AQR: variants seen among roughly 807,000 people sequenced by gnomAD.
The protein encoded by AQR is RNA helicase aquarius.
In AQR, 61 loss-of-function variants were observed where a neutral mutation model predicts 180.5. The ratio of observed to expected loss-of-function variants is 0.34; its 90% confidence interval spans 0.28 to 0.42. The LOEUF (loss-of-function observed/expected upper bound fraction) is 0.42. Ranked by LOEUF, AQR falls within the 10% of genes least tolerant of loss-of-function variation. AQR has a pLI of 1.00. For missense variants in AQR, 1,281 were observed against 1,798.3 expected, an observed-to-expected ratio of 0.71 and a Z score of 5.20; for synonymous variants, 551 against 588.8, an observed-to-expected ratio of 0.94 and a Z score of 0.93.
intron 11 of AQR, among the ~76,000 whole-genome samples, chr15:34,930,867 C>A (rs971414345): frequency 7.4e-6 from 1 of 135,926 alleles, no homozygotes; most frequent in Admixed American, 8.5e-5. Context: ...GACGGAGTCT[C>A]GCTCTGTCAC....
At position 34,914,272 on chromosome 15, in the gene AQR, G is replaced by C. The variant is rs145113236; in HGVS notation, c.1484+766C>G. ...AATTGTGAATGAAATAGTGAATAAA[G>C]AGCATTTGCCTCAAGTCAGCCATAT... On this transcript the variant is annotated intron_variant, in intron 16 of 34. Transcript: ENST00000156471. 2.2e-4 allele frequency among the ~76,000 whole-genome samples: 34 copies of C among 152,238 alleles called. 1 individual carries two copies. The East Asian group carries it at 6.6e-3, about 29-fold the overall frequency.
intron 22 of AQR, among the ~76,000 whole-genome samples, chr15:34,895,454 TTA>T (rs1256668592): frequency 6.6e-6 from 1 of 151,648 alleles, no homozygotes; most frequent in Non-Finnish European, 1.5e-5. Flanking sequence ...TATATGCTGT[TTA>T]TAAGAAACTC....
At chr15:34,946,856 C>A in intron 5 of AQR, among the ~76,000 whole-genome samples, 1 of 149,878 alleles carries the variant, frequency 6.7e-6, no homozygotes, top group Non-Finnish European at 1.5e-5. Flanking sequence ...GCCCCTCTGC[C>A]CAGCCAGCCG....
intron 23 of AQR, among the ~76,000 whole-genome samples, chr15:34,893,403 T>C (rs902307069): frequency 2.0e-5 from 3 of 152,084 alleles, no homozygotes; most frequent in Non-Finnish European, 4.4e-5. Flanking sequence ...AGCTAATGCA[T>C]TCCCAAATAA....
At position 34,884,714 on chromosome 15, in the gene AQR, C is replaced by T; in HGVS notation, c.2838G>A (p.Glu946=). ...CTTTATTTTTCACTTTGCTGATATA[C>T]TCTTCCCAGCGAGACATTACCTGTA... The part of the protein sequence containing the change: ...FLYQVMSRWE[E]YISKVKNKGS... The change falls in exon 26 of 35, where the codon GAG becomes GAA. Residue 946 remains glutamate (E), a synonymous_variant. Coordinates refer to ENST00000156471, the MANE Select transcript of AQR (RefSeq NM_014691.3). 1 of 1,602,340 alleles carries T rather than the reference C, an allele frequency of 6.2e-7. No homozygotes were observed. Among genetic ancestry groups the T allele is most frequent in the Non-Finnish European group, 8.5e-7 (1 of 1,176,700 alleles).
chr15:34,900,858 C>T lies in AQR; in HGVS notation c.2007G>A (p.Val669=). 6.3e-7 allele frequency: 1 copy of T among 1,592,336 alleles called. No individual in the cohort carries two copies. Among genetic ancestry groups the T allele is most frequent in the Non-Finnish European group, 8.6e-7 (1 of 1,166,512 alleles). The change falls in exon 20 of 35, where the codon GTG becomes GTA. Residue 669 remains valine, a synonymous_variant. Coordinates refer to ENST00000156471, the MANE Select transcript of AQR (RefSeq NM_014691.3). The part of the protein sequence containing the change: ...RKPKENNFKA[V]LETIRNLMNT... ...TCATCAGGTTCCGAATAGTCTCCAG[C>T]ACAGCCTGTCAGTAAAAGGACAGAA... is the stretch of plus-strand genomic sequence containing the variant.
intron 1 of AQR, among the ~76,000 whole-genome samples, chr15:34,968,863 T>G (rs1445874988): frequency 6.6e-6 from 1 of 152,134 alleles, no homozygotes; most frequent in Non-Finnish European, 1.5e-5. Context: ...GAATAAAGAA[T>G]AAAGAAGCAG....
intron 15 of AQR, among the ~76,000 whole-genome samples, chr15:34,915,963 A>G (rs1407930605): frequency 6.6e-6 from 1 of 151,774 alleles, no homozygotes. Flanking sequence ...AAAAAAAAAA[A>G]GAGAGAGAAT....
At chr15:34,894,994 A>G (rs1893210303) in intron 22 of AQR, among the ~76,000 whole-genome samples, 2 of 149,896 alleles carry the variant, frequency 1.3e-5, no homozygotes, top group Non-Finnish European at 3.0e-5. Context: ...GTGAAACCCA[A>G]TTCTCTACTA....
rs758444517 is a variant in AQR, at chr15:34,857,070, C to T, written c.4180G>A (p.Gly1394Ser). 3.1e-6 allele frequency: 5 copies of T among 1,604,856 alleles called. No individual in the cohort carries two copies. In the East Asian group the frequency reaches 1.1e-4, roughly 36 times the overall value. Residue 1394 changes from glycine to serine, a missense_variant, in exon 35 of 35, where the codon GGT (glycine) becomes AGT (serine). By Grantham distance (56) the Gly-to-Ser change is moderately conservative. Around this residue, in one of 9 missense-constraint regions of AQR, gnomAD observed 182 missense variants for 185.3 expected, o/e 0.98. Coordinates refer to ENST00000156471, the MANE Select transcript of AQR (RefSeq NM_014691.3). ...GTTTCTTGATTTTGAACTTCCTCAC[C>T]CTCTTCTACCATAGCAGGTGGTAGT... ...LQLPPAMVEE[G>S]EEVQNQETEL...
intron 19 of AQR, among the ~76,000 whole-genome samples, chr15:34,901,248 A>G (rs754269754): frequency 1.3e-5 from 2 of 152,208 alleles, no homozygotes; most frequent in Non-Finnish European, 2.9e-5. Context: ...TAACTCCTGG[A>G]ATTTTTCCCT....
At chr15:34,871,949 C>T (rs981501618) in intron 30 of AQR, among the ~76,000 whole-genome samples, 17 of 139,420 alleles carry the variant, frequency 1.2e-4, no homozygotes, top group Non-Finnish European at 1.9e-4. Flanking sequence ...AATATAAACA[C>T]AATATTTAAA....
At chr15:34,872,052 G>C (rs1231087405) in intron 30 of AQR, among the ~76,000 whole-genome samples, 2 of 151,336 alleles carry the variant, frequency 1.3e-5, no homozygotes, top group African/African-American at 4.9e-5. Flanking sequence ...GGTTCTTTGT[G>C]ACGCACAGCT....
At chr15:34,913,977 C>A (rs1046414649) in intron 16 of AQR, among the ~76,000 whole-genome samples, 3 of 152,120 alleles carry the variant, frequency 2.0e-5, no homozygotes, top group African/African-American at 7.2e-5. Flanking sequence ...AAATAGAACT[C>A]TCTATGAAAT....
chr15:34,931,673 C>T (rs548129198), intron 11 of AQR, among the ~76,000 whole-genome samples: 11 of 152,072 alleles, frequency 7.2e-5, no homozygotes, highest in African/African-American at 1.7e-4. Flanking sequence ...CCGGGCGTGG[C>T]GGTGCATGCC....
chr15:34,931,236 C>T (rs1054739343), intron 11 of AQR, among the ~76,000 whole-genome samples: 2 of 152,092 alleles, frequency 1.3e-5, no homozygotes, highest in Admixed American at 6.5e-5. Flanking sequence ...CTCTTGCTAA[C>T]GAGGCTCTGA....
intron 2 of AQR, 82 bp downstream of exon 2, chr15:34,964,152 A>C (rs1018531957): frequency 9.9e-6 from 10 of 1,014,100 alleles, no homozygotes; most frequent in Non-Finnish European, 1.5e-5. Context: ...ATTTTAAAAA[A>C]ATTATGGAAA....
chr15:34,925,206 A>G (rs16960086), intron 13 of AQR, among the ~76,000 whole-genome samples: 1,576 of 152,324 alleles, frequency 0.01, 31 homozygotes, highest in African/African-American at 0.036. Flanking sequence ...AAAATAGCAA[A>G]GGAAAATAAG....
intron 9 of AQR, among the ~76,000 whole-genome samples, chr15:34,938,336 C>A (rs1893974175): frequency 6.6e-6 from 1 of 152,068 alleles, no homozygotes; most frequent in South Asian, 2.1e-4. Flanking sequence ...GAGTTTGAGA[C>A]CAGCCTGGCC....
Sources: gnomAD v4.1 joint callset for allele counts (sites outside exome capture counted in the v4.1 genomes callset) on GRCh38, gnomAD v4.1.1 for gene constraint, gnomAD v4.1.1 regional missense constraint, MANE v1.5 for transcripts, NCBI Gene and HGNC (gene_info 2026-07-23, HGNC 2026-07-21) for gene names.